ZNF638: variants seen among roughly 807,000 people sequenced by gnomAD.
ZNF638 encodes zinc finger protein 638.
In ZNF638, 46 loss-of-function variants were observed where a neutral mutation model predicts 195.6. The ratio of observed to expected loss-of-function variants is 0.24; its 90% CI spans 0.19 to 0.30. The LOEUF (loss-of-function observed/expected upper bound fraction) is 0.30. ZNF638 is among the 10% of genes least tolerant of loss of function. The probability of loss-of-function intolerance (pLI) is 1.00; values close to 1 mark genes in which losing one functional copy is unlikely to be tolerated. For missense variants in ZNF638, 2,440 were observed against 2,325.3 expected, an observed-to-expected ratio of 1.05 and a Z score of -1.01; for synonymous variants, 845 against 772.0, an observed-to-expected ratio of 1.09 and a Z score of -1.57.
At chr2:71,377,729 A>G (rs1861850) in intron 8 of ZNF638, among the ~76,000 whole-genome samples, 15,069 of 152,282 alleles carry the variant, frequency 0.099, 817 homozygotes, top group Non-Finnish European at 0.12. Context: ...CATGGTAGAT[A>G]TATTTAGAAG....
At chr2:71,393,613 C>G (rs2079833158) in intron 10 of ZNF638, 2 of 718,096 alleles carry the variant, frequency 2.8e-6, no homozygotes, top group Non-Finnish European at 2.6e-6. Flanking sequence ...ACCATTCACT[C>G]CAGATAATTT....
At chr2:71,361,387 T>C (rs1421421285) in intron 3 of ZNF638, among the ~76,000 whole-genome samples, 1 of 152,248 alleles carries the variant, frequency 6.6e-6, no homozygotes, top group African/African-American at 2.4e-5. Flanking sequence ...AAGCTAAGGC[T>C]TACACATTCT....
At chr2:71,381,681 G>T (rs535097406) in intron 10 of ZNF638, among the ~76,000 whole-genome samples, 39 of 152,206 alleles carry the variant, frequency 2.6e-4, no homozygotes, top group Non-Finnish European at 4.6e-4. Flanking sequence ...TGGGTAAAAA[G>T]GTTTGGGGTG....
At chr2:71,395,537 C>T (rs1034057693) in intron 10 of ZNF638, 9 of 612,340 alleles carry the variant, frequency 1.5e-5, no homozygotes, top group South Asian at 5.6e-5. Context: ...TTTATCTAGA[C>T]GAGTTTTATT....
chr2:71,407,572 A>G (rs1274964683), intron 19 of ZNF638: 1 of 152,212 alleles, frequency 6.6e-6, no homozygotes, highest in Non-Finnish European at 1.5e-5. Context: ...TAAATTTAAC[A>G]TTTTAATCAT....
chr2:71,344,230 G>A (rs985276810), intron 1 of ZNF638, among the ~76,000 whole-genome samples: 1 of 152,190 alleles, frequency 6.6e-6, no homozygotes, highest in Non-Finnish European at 1.5e-5. Context: ...TTTTTGTATG[G>A]ATTCTGATTC....
chr2:71,427,048 C>T lies in ZNF638; in HGVS notation c.5179C>T (p.Pro1727Ser). ...CATTGGCTTCATTTCTTCTCAGGTG[C>T]CCGAAGACCCTTCTACTTTAGTTAC... Reference protein sequence around the residue: ...DSIGFISSQVPEDPSTLVTVD... With the variant: ...DSIGFISSQVSEDPSTLVTVD... Residue 1727 changes from proline (P) to serine (S), a missense_variant, in exon 24 of 28, where the codon CCC (proline) becomes TCC (serine). Transcript: ENST00000264447. The T allele has an allele frequency of 6.2e-7, 1 of 1,613,726 alleles. No individual in the cohort carries two copies. Among genetic ancestry groups the T allele is most frequent in the Non-Finnish European group, 8.5e-7 (1 of 1,179,892 alleles).
intron 1 of ZNF638, among the ~76,000 whole-genome samples, chr2:71,340,463 A>G (rs925434013): frequency 6.6e-6 from 1 of 152,230 alleles, no homozygotes; most frequent in African/African-American, 2.4e-5. Flanking sequence ...ATAGCTGAAT[A>G]AACAATCAGC....
chr2:71,335,698 C>T (rs1038842577), intron 1 of ZNF638, among the ~76,000 whole-genome samples: 33 of 152,250 alleles, frequency 2.2e-4, no homozygotes, highest in Non-Finnish European at 3.8e-4. Flanking sequence ...TAAACAAATG[C>T]TTCTATCAGT....
chr2:71,370,224 C>T (rs1436476788), intron 8 of ZNF638, among the ~76,000 whole-genome samples: 2 of 152,092 alleles, frequency 1.3e-5, no homozygotes, highest in African/African-American at 4.8e-5. Context: ...AAATACTTGC[C>T]ATATATAACA....
chr2:71,408,034 A>T, intron 19 of ZNF638, 88 bp from the exon 20 acceptor site: 1 of 1,252,890 alleles, frequency 8.0e-7, no homozygotes, highest in Non-Finnish European at 1.1e-6. Context: ...TTAGGTGTAT[A>T]CTAAAAAGTG....
Position 71,418,625 on chromosome 2 carries a change from A to G in ZNF638, c.3285A>G (p.Glu1095=), listed in dbSNP as rs2080354917. 1.9e-6 allele frequency: 3 copies of G among 1,565,124 alleles called. No homozygotes were observed. Among genetic ancestry groups the G allele is most frequent in the Non-Finnish European group, 2.6e-6 (3 of 1,156,254 alleles). ...AGGTGCAAATTGAGCATGACCCAGA[A>G]TTAGAAAAAGAAAGGTATGTTGCTT... ...LPEVQIEHDP[E]LEKESPGLKN... is the part of the protein sequence containing the mutation. Residue 1095 remains glutamate (E), a synonymous_variant, in exon 21 of 28, where the codon GAA becomes GAG. Transcript: ENST00000264447.
Position 71,433,264 on chromosome 2 carries a change from G to A in ZNF638, c.5852G>A (p.Arg1951His), listed in dbSNP as rs952521598. ...KAMTNHCKSTRHKQNTEKFMA... is the reference protein window; with the variant it reads ...KAMTNHCKSTHHKQNTEKFMA... The stretch of plus-strand genomic sequence containing the variant: ...ATGACAAATCACTGCAAGAGTACAC[G>A]TCATAAGCAAAATACTGAGGTAATT... Residue 1951 changes from arginine to histidine, a missense_variant, in exon 27 of 28, where the codon CGT (arginine) becomes CAT (histidine). Arg to His is a conservative substitution (Grantham distance 29). Around this residue, in one of 5 missense-constraint regions of ZNF638, gnomAD observed 1,883 missense variants for 1,739.1 expected, o/e 1.08. Coordinates refer to ENST00000264447, the MANE Select transcript of ZNF638 (RefSeq NM_014497.5). The A allele has an allele frequency of 3.7e-6, 6 of 1,612,778 alleles. No individual in the cohort carries two copies. Among genetic ancestry groups the A allele is most frequent in the South Asian group, 1.1e-5 (1 of 90,926 alleles).
intron 2 of ZNF638, among the ~76,000 whole-genome samples, chr2:71,352,973 A>T (rs969839664): frequency 6.6e-6 from 1 of 152,198 alleles, no homozygotes; most frequent in African/African-American, 2.4e-5. Flanking sequence ...GGCTCATCTA[A>T]GTAATGAATT....
At chr2:71,427,577 C>T (rs1424234227) in intron 24 of ZNF638, among the ~76,000 whole-genome samples, 163 bp downstream of exon 24, 6 of 152,114 alleles carry the variant, frequency 3.9e-5, no homozygotes, top group Non-Finnish European at 5.9e-5. Flanking sequence ...GAAATGTGTA[C>T]AAGTTTCACA....
intron 6 of ZNF638, 108 bp from the exon 7 acceptor site, chr2:71,368,274 C>A: frequency 2.0e-6 from 2 of 1,006,898 alleles, no homozygotes; most frequent in Non-Finnish European, 2.8e-6. Context: ...ATGGAAAAGA[C>A]CCTTTAGTGT....
chr2:71,423,023 A>G lies in ZNF638; in HGVS notation c.3509A>G (p.Gln1170Arg), dbSNP rs767948390. ...FAVETLELETQGEEVKEEIPL... is the reference protein window; with the variant it reads ...FAVETLELETRGEEVKEEIPL... ...GTTGAAACTTTGGAGCTTGAAACTC[A>G]AGGAGAGGAGGTCAAAGAAGAAATT... is the stretch of plus-strand genomic sequence containing the variant. Residue 1170 changes from glutamine (Q) to arginine (R), a missense_variant, in exon 22 of 28, where the codon CAA becomes CGA. Gln to Arg is a conservative substitution (Grantham distance 43). Coordinates refer to ENST00000264447, the MANE Select transcript of ZNF638 (RefSeq NM_014497.5). 3 of 1,614,126 alleles carry G rather than the reference A, an allele frequency of 1.9e-6. No homozygotes were observed. Among genetic ancestry groups the G allele is most frequent in the Admixed American group, 3.3e-5 (2 of 60,024 alleles).
intron 10 of ZNF638, among the ~76,000 whole-genome samples, chr2:71,385,446 A>G (rs1406825119): frequency 2.6e-5 from 4 of 152,000 alleles, no homozygotes; most frequent in Non-Finnish European, 2.9e-5. Flanking sequence ...TTTCATGTAT[A>G]TCACATTGAA....
At position 71,427,309 on chromosome 2, in the gene ZNF638, G is replaced by A. The variant is rs2080558870; in HGVS notation, c.5440G>A (p.Val1814Met). 2 of 1,612,838 alleles carry A rather than the reference G, an allele frequency of 1.2e-6. No individual in the cohort carries two copies. Among genetic ancestry groups the A allele is most frequent in the African/African-American group, 1.3e-5 (1 of 74,902 alleles). ...DKKGNRKKRA[V>M]DTKKTKLESL... ...AAAAGGGAATAGAAAGAAGAGAGCTGTGGACACAAAAAAGACAAAACTTGA... is the reference window on the plus strand; with the variant it reads ...AAAAGGGAATAGAAAGAAGAGAGCTATGGACACAAAAAAGACAAAACTTGA... The change falls in exon 24 of 28, where the codon GTG becomes ATG. Residue 1814 changes from valine (V) to methionine (M), a missense_variant. By Grantham distance (21) the Val-to-Met change is conservative. Around this residue, in one of 5 missense-constraint regions of ZNF638, gnomAD observed 1,883 missense variants for 1,739.1 expected, o/e 1.08. Coordinates refer to ENST00000264447, the MANE Select transcript of ZNF638 (RefSeq NM_014497.5).
Sources: allele counts gnomAD v4.1 joint callset (sites outside exome capture counted in the v4.1 genomes callset), GRCh38; gene constraint gnomAD v4.1.1; regional missense constraint gnomAD v4.1.1; transcripts MANE v1.5; gene names NCBI Gene and HGNC (gene_info 2026-07-23, HGNC 2026-07-21).